Variants in MICAL3 observed in about 807,000 individuals in gnomAD.
MICAL3 encodes the protein [F-actin]-monooxygenase MICAL3.
Under a neutral mutation model 207.4 loss-of-function variants are expected in MICAL3, and 62 were observed. The observed-to-expected ratio is 0.30, with a 90% confidence interval of 0.24 to 0.37. MICAL3 has a LOEUF of 0.37. Ranked by LOEUF, MICAL3 falls within the 10% of genes least tolerant of loss-of-function variation. MICAL3 has a pLI of 1.00. For missense variants in MICAL3, 2,368 were observed against 2,635.6 expected (o/e 0.90, Z 2.22); for synonymous variants, 1,077 against 1,069.3 (o/e 1.01, Z -0.14).
Position 17,931,940 on chromosome 22 carries a change from C to G in MICAL3, c.-74-25054G>C, listed in dbSNP as rs1297480772. 2.0e-5 allele frequency among the ~76,000 whole-genome samples: 3 copies of G among 152,214 alleles called. 1 individual carries two copies. The highest frequency in any genetic ancestry group is 4.1e-4 in the South Asian group (2 of 4,830). ...AGATCCGTGCTTGCAATTAAACTTA[C>G]AGTGGTGAATGGAAACACAGTGCCT... On this transcript the variant is annotated intron_variant, in intron 1 of 31. Coordinates refer to ENST00000441493, the MANE Select transcript of MICAL3 (RefSeq NM_015241.3).
intron 1 of MICAL3, among the ~76,000 whole-genome samples, chr22:17,973,779 G>C (rs1460574722): frequency 6.6e-6 from 1 of 152,078 alleles, no homozygotes; most frequent in African/African-American, 2.4e-5. Flanking sequence ...AAATTAGCCA[G>C]GCATGGTGGC....
intron 1 of MICAL3, among the ~76,000 whole-genome samples, chr22:17,926,863 T>C (rs1475285531): frequency 6.6e-6 from 1 of 152,252 alleles, no homozygotes; most frequent in Non-Finnish European, 1.5e-5. Flanking sequence ...ACCTGGACCC[T>C]TGCAATAGTC....
At position 17,818,464 on chromosome 22, in the gene MICAL3, C is replaced by T; in HGVS notation, c.4197G>A (p.Leu1399=). 1 of 1,612,874 alleles carries T rather than the reference C, an allele frequency of 6.2e-7. No individual in the cohort carries two copies. The highest frequency in any genetic ancestry group is 8.5e-7 in the Non-Finnish European group (1 of 1,179,894). The change falls in exon 26 of 32, where the codon TTG becomes TTA. Residue 1399 remains leucine (L), a synonymous_variant. Transcript: ENST00000441493. ...LGLPKPEGEP[L]SLPTPRSPSD... is the part of the protein sequence containing the mutation. ...ACGGGGACCGGGGGGTTGGCAGGGA[C>T]AACGGCTCGCCTTCCGGCTTTGGCA... is the stretch of plus-strand genomic sequence containing the variant.
Position 17,941,569 on chromosome 22 carries a change from A to T in MICAL3, c.-74-34683T>A, listed in dbSNP as rs150140937. Among the ~76,000 whole-genome samples the T allele has an allele frequency of 3.3e-5, 5 of 152,382 alleles. No homozygotes were observed. The East Asian group carries it at 9.6e-4, about 29-fold the overall frequency. ...GAGCTTCAAATGCTACACCAGAGCAACAGCTGTCATTGTTCATAAAATTCA... is the reference window on the plus strand; with the variant it reads ...GAGCTTCAAATGCTACACCAGAGCATCAGCTGTCATTGTTCATAAAATTCA... On this transcript the variant is annotated intron_variant, in intron 1 of 31. Transcript: ENST00000441493.
intron 1 of MICAL3, among the ~76,000 whole-genome samples, chr22:17,996,019 A>G (rs1384089135): frequency 5.3e-5 from 8 of 151,530 alleles, no homozygotes; most frequent in Admixed American, 6.6e-5. Context: ...AAAATTAGCC[A>G]GGCTTGGTGG....
intron 1 of MICAL3, chr22:18,006,765 G>A (rs1923412455): frequency 6.6e-6 from 1 of 152,504 alleles, no homozygotes; most frequent in African/African-American, 2.4e-5. Flanking sequence ...CCTGGGAGGT[G>A]GAGGTTGTGA....
chr22:17,844,663 C>T (rs527795342), intron 19 of MICAL3, among the ~76,000 whole-genome samples: 2 of 152,370 alleles, frequency 1.3e-5, no homozygotes, highest in African/African-American at 2.4e-5. Flanking sequence ...CTTGAGTTCA[C>T]TTGTGCCCTG....
chr22:17,856,431 C>T (rs1334816239), intron 19 of MICAL3, among the ~76,000 whole-genome samples: 1 of 152,078 alleles, frequency 6.6e-6, no homozygotes, highest in Non-Finnish European at 1.5e-5. Flanking sequence ...CCTCTCTAAG[C>T]ACCCAGTGCT....
intron 1 of MICAL3, among the ~76,000 whole-genome samples, chr22:18,011,808 C>T (rs1004394977): frequency 6.0e-5 from 9 of 149,710 alleles, no homozygotes; most frequent in East Asian, 2.0e-4. Context: ...AGGAGAATGG[C>T]GTGAACCTGG....
At position 17,818,072 on chromosome 22, in the gene MICAL3, T is replaced by C. The variant is rs772974320; in HGVS notation, c.4589A>G (p.Tyr1530Cys). 9.3e-6 allele frequency: 15 copies of C among 1,613,106 alleles called. No individual in the cohort carries two copies. The highest frequency in any genetic ancestry group is 2.2e-5 in the East Asian group (1 of 44,852). ...IPFADDVEDT[Y>C]DDKTEDSSLQ... ...GCTTGAGTCCTCAGTCTTGTCGTCA[T>C]AGGTGTCCTCCACATCATCAGCAAA... The change falls in exon 26 of 32, where the codon TAT (tyrosine) becomes TGT (cysteine). Residue 1530 changes from tyrosine (Y) to cysteine (C), a missense_variant. Tyr to Cys is a radical substitution (Grantham distance 194, BLOSUM62 -2). Coordinates refer to ENST00000441493, the MANE Select transcript of MICAL3 (RefSeq NM_015241.3).
chr22:17,929,527 A>G (rs923353635), intron 1 of MICAL3, among the ~76,000 whole-genome samples: 1 of 146,284 alleles, frequency 6.8e-6, no homozygotes, highest in Non-Finnish European at 1.5e-5. Flanking sequence ...CCTGAAACCC[A>G]TCTGTGCTCT....
chr22:17,828,370 G>C (rs961943788), intron 21 of MICAL3, among the ~76,000 whole-genome samples: 1 of 152,224 alleles, frequency 6.6e-6, no homozygotes, highest in Non-Finnish European at 1.5e-5. Context: ...CTGGCACTTC[G>C]GTTTGCATCT....
chr22:17,954,967 T>C (rs2146368472), intron 1 of MICAL3, among the ~76,000 whole-genome samples: 1 of 152,100 alleles, frequency 6.6e-6, no homozygotes, highest in East Asian at 1.9e-4. Flanking sequence ...CAAGTGATCC[T>C]CCCACCTCGG....
Position 17,906,537 on chromosome 22 carries a change from A to G in MICAL3, c.264+12T>C. On this transcript the variant is annotated intron_variant, in intron 2 of 31. Coordinates refer to ENST00000441493, the MANE Select transcript of MICAL3 (RefSeq NM_015241.3). ...GTCAGTGACCCCAGGGCCCAACAGG[A>G]GCAAAGCTTACCTTGGTGTTAGTGC... 1.2e-6 allele frequency: 2 copies of G among 1,612,172 alleles called. No individual in the cohort carries two copies. Among genetic ancestry groups the G allele is most frequent in the Non-Finnish European group, 1.7e-6 (2 of 1,178,752 alleles).
At chr22:17,798,562 T>C (rs1376716227) in intron 29 of MICAL3, among the ~76,000 whole-genome samples, 3 of 152,228 alleles carry the variant, frequency 2.0e-5, no homozygotes, top group Admixed American at 2.0e-4. Flanking sequence ...CTCTGGACTC[T>C]CATTTCTCAC....
intron 1 of MICAL3, among the ~76,000 whole-genome samples, chr22:17,969,069 G>A (rs1164225630): frequency 2.0e-5 from 3 of 151,576 alleles, no homozygotes; most frequent in African/African-American, 7.3e-5. Flanking sequence ...TTGACATGGA[G>A]TCTCACTCTG....
chr22:17,825,863 T>A (rs1194347274), intron 22 of MICAL3, among the ~76,000 whole-genome samples: 1 of 152,120 alleles, frequency 6.6e-6, no homozygotes, highest in Non-Finnish European at 1.5e-5. Context: ...TCCAGAAACA[T>A]GTAGGAAGGA....
chr22:17,906,406 G>A, intron 2 of MICAL3, 143 bp downstream of exon 2: 1 of 1,533,432 alleles, frequency 6.5e-7, no homozygotes, highest in South Asian at 1.1e-5. Context: ...ATGGTCGATG[G>A]CTCTGGCACA....
chr22:17,806,541 C>T (rs953502974), intron 29 of MICAL3, among the ~76,000 whole-genome samples: 2 of 151,710 alleles, frequency 1.3e-5, no homozygotes, highest in Admixed American at 6.6e-5. Flanking sequence ...TCCAAGTAAG[C>T]TGTTAAAAAA....
Sources: gnomAD v4.1 joint callset for allele counts (sites outside exome capture counted in the v4.1 genomes callset) on GRCh38, gnomAD v4.1.1 for gene constraint, MANE v1.5 for transcripts, NCBI Gene and HGNC (gene_info 2026-07-23, HGNC 2026-07-21) for gene names.